The following TFPI variants were observed in gnomAD, a reference collection of about 807,000 sequenced individuals.
TFPI encodes the protein tissue factor pathway inhibitor.
Under a neutral mutation model 34.6 loss-of-function variants are expected in TFPI, and 15 were observed. The ratio of observed to expected loss-of-function variants is 0.43; its 90% CI spans 0.29 to 0.67. The LOEUF is 0.67. TFPI is among the 30% of genes least tolerant of loss of function. TFPI has a pLI of 0.15. For synonymous variants in TFPI, 105 were observed against 120.1 expected (o/e 0.87, Z 0.82); for missense variants, 301 against 364.0 (o/e 0.83, Z 1.41).
intron 1 of TFPI, among the ~76,000 whole-genome samples, chr2:187,522,850 C>T (rs921266601): frequency 2.0e-5 from 3 of 151,086 alleles, no homozygotes; most frequent in African/African-American, 2.4e-5. Flanking sequence ...GAGATCGTGC[C>T]GCTGCACTCC....
At chr2:187,520,986 A>G (rs1687340436) in intron 1 of TFPI, among the ~76,000 whole-genome samples, 2 of 151,958 alleles carry the variant, frequency 1.3e-5, no homozygotes, top group South Asian at 4.2e-4. Context: ...CCCCAGTCTC[A>G]TATTGTATAT....
chr2:187,497,084 A>T lies in TFPI; in HGVS notation c.122-6T>A. 6.2e-7 allele frequency: 1 copy of T among 1,607,340 alleles called. No homozygotes were observed. The highest frequency in any genetic ancestry group is 8.5e-7 in the Non-Finnish European group (1 of 1,176,480). ...CAGTGGTGGCAACTCCGTATCTATAAAGTAAAAATAAAAGATATAACATGT... is the reference window on the plus strand; with the variant it reads ...CAGTGGTGGCAACTCCGTATCTATATAGTAAAAATAAAAGATATAACATGT... On this transcript the variant is annotated splice_region_variant and splice_polypyrimidine_tract_variant and intron_variant, in intron 2 of 7. Coordinates refer to ENST00000233156, the MANE Select transcript of TFPI (RefSeq NM_006287.6).
intron 1 of TFPI, among the ~76,000 whole-genome samples, chr2:187,511,790 G>A (rs1187174878): frequency 6.6e-6 from 1 of 151,894 alleles, no homozygotes. Flanking sequence ...AGCAGCATAA[G>A]CAGCTGACAG....
intron 1 of TFPI, among the ~76,000 whole-genome samples, chr2:187,537,911 A>G (rs1344707835): frequency 1.1e-5 from 1 of 88,114 alleles, no homozygotes; most frequent in Admixed American, 1.0e-4. Flanking sequence ...AACCCCATCA[A>G]AAAGTGGACA....
At chr2:187,468,341 T>A (rs1691839442) in intron 6 of TFPI, among the ~76,000 whole-genome samples, 1 of 151,936 alleles carries the variant, frequency 6.6e-6, no homozygotes, top group Non-Finnish European at 1.5e-5. Flanking sequence ...ATATTTGGCT[T>A]TAAAAAATTC....
Position 187,496,972 on chromosome 2 carries a change from A to G in TFPI, c.228T>C (p.Thr76=). 1 of 1,613,426 alleles carries G rather than the reference A, an allele frequency of 6.2e-7. No individual in the cohort carries two copies. The highest frequency in any genetic ancestry group is 1.1e-5 in the South Asian group (1 of 91,074). The change falls in exon 3 of 8, where the codon ACT becomes ACC. Residue 76 remains threonine, a synonymous_variant. Transcript: ENST00000233156. ...CATATATAAATTCTTCGCACTGTCG[A>G]GTGAAAATATTGAAGAAAAATCTTT... ...IMKRFFFNIF[T]RQCEEFIYGG...
chr2:187,470,996 C>A (rs1299754673), intron 6 of TFPI, among the ~76,000 whole-genome samples: 1 of 152,178 alleles, frequency 6.6e-6, no homozygotes, highest in African/African-American at 2.4e-5. Context: ...GAGTTTTGAC[C>A]CAGATCAACA....
intron 1 of TFPI, among the ~76,000 whole-genome samples, chr2:187,531,175 G>C (rs1455460824): frequency 6.6e-6 from 1 of 152,206 alleles, no homozygotes; most frequent in African/African-American, 2.4e-5. Context: ...ACTGTCTGTA[G>C]AAAGGTGTGT....
At chr2:187,543,569 T>A (rs1361295581) in intron 1 of TFPI, among the ~76,000 whole-genome samples, 1 of 152,252 alleles carries the variant, frequency 6.6e-6, no homozygotes, top group African/African-American at 2.4e-5. Flanking sequence ...GTTTGTTTGC[T>A]CATGAAACAT....
At chr2:187,525,464 CCTCT>C (rs1687629473) in intron 1 of TFPI, among the ~76,000 whole-genome samples, 1 of 151,946 alleles carries the variant, frequency 6.6e-6, no homozygotes. Context: ...TCCCTCTTTC[CCTCT>C]CTCTTTCTCA....
intron 4 of TFPI, among the ~76,000 whole-genome samples, chr2:187,486,786 T>C (rs1347728613): frequency 1.3e-5 from 2 of 151,684 alleles, no homozygotes; most frequent in Non-Finnish European, 3.0e-5. Flanking sequence ...GAATGCAGAC[T>C]GGATAAGCTA....
At chr2:187,529,013 T>A (rs1368804414) in intron 1 of TFPI, among the ~76,000 whole-genome samples, 3 of 152,212 alleles carry the variant, frequency 2.0e-5, no homozygotes, top group African/African-American at 7.2e-5. Context: ...TTCCAAACTA[T>A]GTTGGTAGGA....
intron 3 of TFPI, 49 bp from the exon 4 acceptor site, chr2:187,488,424 A>G: frequency 8.2e-7 from 1 of 1,213,498 alleles, no homozygotes. Flanking sequence ...TTTATAAAGT[A>G]ATACTATGAA....
intron 1 of TFPI, among the ~76,000 whole-genome samples, chr2:187,520,121 G>GCTCC (rs1174004175): frequency 6.6e-6 from 1 of 152,112 alleles, no homozygotes; most frequent in African/African-American, 2.4e-5. Flanking sequence ...AGACCACTTG[G>GCTCC]CTCCCTGGCT....
intron 7 of TFPI, 149 bp downstream of exon 7, chr2:187,467,604 T>G: frequency 1.6e-6 from 1 of 617,568 alleles, no homozygotes; most frequent in South Asian, 5.2e-5. Flanking sequence ...CTAGCAATAT[T>G]ATCTAAATGT....
At chr2:187,495,179 C>T (rs1394833267) in intron 3 of TFPI, among the ~76,000 whole-genome samples, 3 of 152,072 alleles carry the variant, frequency 2.0e-5, no homozygotes, top group Non-Finnish European at 4.4e-5. Context: ...GTAAGTTTTG[C>T]ACAATGATAA....
At chr2:187,534,900 A>AG (rs778326535) in intron 1 of TFPI, among the ~76,000 whole-genome samples, 1 of 151,740 alleles carries the variant, frequency 6.6e-6, no homozygotes, top group African/African-American at 2.4e-5. Flanking sequence ...AAAGCAAAAA[A>AG]AAAAATAAAA....
chr2:187,499,045 A>G (rs1318858320), intron 2 of TFPI, among the ~76,000 whole-genome samples: 2 of 151,976 alleles, frequency 1.3e-5, no homozygotes, highest in Non-Finnish European at 2.9e-5. Context: ...ATAAATATCT[A>G]TAGTATATAT....
chr2:187,470,377 G>A (rs1691962574), intron 6 of TFPI, among the ~76,000 whole-genome samples: 1 of 152,138 alleles, frequency 6.6e-6, no homozygotes, highest in South Asian at 2.1e-4. Context: ...ACAACCTATA[G>A]TAAACATGGC....
Sources: allele counts gnomAD v4.1 joint callset (sites outside exome capture counted in the v4.1 genomes callset), GRCh38; gene constraint gnomAD v4.1.1; transcripts MANE v1.5; gene names NCBI Gene and HGNC (gene_info 2026-07-23, HGNC 2026-07-21).